Variants in DNAJC1 observed in about 807,000 individuals in gnomAD.
The protein encoded by DNAJC1 is dnaJ homolog subfamily C member 1.
A neutral mutation model predicts 76.6 loss-of-function variants in DNAJC1; 58 were observed. The ratio of observed to expected loss-of-function variants is 0.76; its 90% CI spans 0.61 to 0.94. The LOEUF (loss-of-function observed/expected upper bound fraction) is 0.94. DNAJC1 is among the 40% of genes least tolerant of loss of function. The pLI is 0.00. For missense variants in DNAJC1, 689 were observed against 677.3 expected, an observed-to-expected ratio of 1.02 and a Z score of -0.19; for synonymous variants, 258 against 267.9, an observed-to-expected ratio of 0.96 and a Z score of 0.36.
intron 8 of DNAJC1, among the ~76,000 whole-genome samples, chr10:21,844,611 A>T (rs1320908718): frequency 2.0e-5 from 3 of 152,196 alleles, no homozygotes; most frequent in African/African-American, 7.2e-5. Context: ...ATTTTGAAAC[A>T]TATGTTGATT....
chr10:21,979,223 C>T (rs1337603650), intron 1 of DNAJC1, among the ~76,000 whole-genome samples: 1 of 151,994 alleles, frequency 6.6e-6, no homozygotes, highest in Admixed American at 6.6e-5. Context: ...GGTTTTGTGG[C>T]TTCAAGAACT....
intron 7 of DNAJC1, among the ~76,000 whole-genome samples, chr10:21,889,729 C>G (rs1836429911): frequency 6.6e-6 from 1 of 152,130 alleles, no homozygotes; most frequent in Non-Finnish European, 1.5e-5. Context: ...CAGACACACA[C>G]ATACAGGCAA....
chr10:21,840,415 A>C (rs934947287), intron 8 of DNAJC1, among the ~76,000 whole-genome samples: 84 of 152,236 alleles, frequency 5.5e-4, no homozygotes, highest in Non-Finnish European at 9.0e-4. Context: ...CTCAGGATAC[A>C]AAATCAATGT....
intron 1 of DNAJC1, among the ~76,000 whole-genome samples, chr10:21,979,547 T>C (rs1838119213): frequency 6.6e-6 from 1 of 151,970 alleles, no homozygotes; most frequent in East Asian, 1.9e-4. Flanking sequence ...TTCCCATAGG[T>C]ACTGTTATTT....
At chr10:21,975,131 T>C (rs1390382691) in intron 1 of DNAJC1, among the ~76,000 whole-genome samples, 2 of 152,122 alleles carry the variant, frequency 1.3e-5, no homozygotes, top group African/African-American at 4.8e-5. Flanking sequence ...ATGTAATGTT[T>C]TCATTTTTGA....
At chr10:21,879,240 T>C (rs1044295695) in intron 8 of DNAJC1, among the ~76,000 whole-genome samples, 4 of 152,190 alleles carry the variant, frequency 2.6e-5, no homozygotes, top group Non-Finnish European at 1.5e-5. Flanking sequence ...ACCTCAGAGA[T>C]ATTCCAAGTT....
chr10:21,870,845 T>C (rs1836091408), intron 8 of DNAJC1, among the ~76,000 whole-genome samples: 2 of 152,006 alleles, frequency 1.3e-5, no homozygotes, highest in African/African-American at 4.8e-5. Flanking sequence ...AGACATATGA[T>C]TTTTGATCAG....
intron 1 of DNAJC1, among the ~76,000 whole-genome samples, chr10:21,934,111 T>A (rs1011103927): frequency 6.6e-6 from 1 of 152,046 alleles, no homozygotes; most frequent in Non-Finnish European, 1.5e-5. Context: ...TTACTGACCC[T>A]GAAGACCTTC....
intron 9 of DNAJC1, among the ~76,000 whole-genome samples, chr10:21,781,577 C>G (rs766811882): frequency 2.0e-5 from 3 of 151,834 alleles, no homozygotes; most frequent in Non-Finnish European, 2.9e-5. Context: ...AAACATTAGC[C>G]GGGCGTGGTG....
At chr10:21,796,474 T>C (rs539052597) in intron 9 of DNAJC1, among the ~76,000 whole-genome samples, 1 of 152,306 alleles carries the variant, frequency 6.6e-6, no homozygotes, top group East Asian at 1.9e-4. Context: ...TTTTCTAGAA[T>C]TGCTAGGTCA....
At chr10:21,825,872 TATG>T (rs1165569151) in intron 8 of DNAJC1, among the ~76,000 whole-genome samples, 1 of 152,190 alleles carries the variant, frequency 6.6e-6, no homozygotes. Context: ...TGAACTGAGT[TATG>T]TTGTTGTTAT....
chr10:21,914,746 T>C (rs753530829), intron 6 of DNAJC1, among the ~76,000 whole-genome samples: 2 of 152,182 alleles, frequency 1.3e-5, no homozygotes, highest in Non-Finnish European at 2.9e-5. Flanking sequence ...CACAGTATGA[T>C]TTTATGGGAA....
At chr10:21,938,432 G>A (rs1362251902) in intron 1 of DNAJC1, among the ~76,000 whole-genome samples, 1 of 151,662 alleles carries the variant, frequency 6.6e-6, no homozygotes, top group East Asian at 1.9e-4. Context: ...TAATAGCACT[G>A]AAAAATCTGC....
At chr10:21,828,475 T>C (rs1165603915) in intron 8 of DNAJC1, among the ~76,000 whole-genome samples, 1 of 152,258 alleles carries the variant, frequency 6.6e-6, no homozygotes, top group Non-Finnish European at 1.5e-5. Flanking sequence ...GTACAGAGTT[T>C]CACCTATTGG....
intron 7 of DNAJC1, among the ~76,000 whole-genome samples, chr10:21,898,222 A>G (rs760855755): frequency 6.6e-6 from 1 of 152,256 alleles, no homozygotes; most frequent in African/African-American, 2.4e-5. Flanking sequence ...GAAGATATAA[A>G]TAATTAATGA....
chr10:21,929,487 A>T (rs1484823071), intron 1 of DNAJC1, among the ~76,000 whole-genome samples: 1 of 152,218 alleles, frequency 6.6e-6, no homozygotes, highest in Non-Finnish European at 1.5e-5. Flanking sequence ...AAATTAATAC[A>T]TCGGTGTGCC....
chr10:21,772,031 A>G (rs1834384052), intron 9 of DNAJC1, among the ~76,000 whole-genome samples: 1 of 152,140 alleles, frequency 6.6e-6, no homozygotes, highest in South Asian at 2.1e-4. Flanking sequence ...TCCTGGACTC[A>G]AGGGATTCCC....
At chr10:21,772,401 C>G (rs977286250) in intron 9 of DNAJC1, among the ~76,000 whole-genome samples, 5 of 146,740 alleles carry the variant, frequency 3.4e-5, no homozygotes, top group African/African-American at 1.3e-4. Flanking sequence ...AACCTTTTTA[C>G]TAATTATAAG....
chr10:21,923,695 T>C (rs769722891), intron 3 of DNAJC1, among the ~76,000 whole-genome samples: 1 of 151,880 alleles, frequency 6.6e-6, no homozygotes, highest in Non-Finnish European at 1.5e-5. Context: ...TATGGCCTAA[T>C]GTGTGTTTAT....
Sources: gnomAD v4.1 joint callset for allele counts (sites outside exome capture counted in the v4.1 genomes callset) on GRCh38, gnomAD v4.1.1 for gene constraint, MANE v1.5 for transcripts, NCBI Gene and HGNC (gene_info 2026-07-23, HGNC 2026-07-21) for gene names.